The following PRKG1 variants were observed in gnomAD, a reference collection of about 807,000 sequenced individuals.
PRKG1 encodes protein kinase cGMP-dependent 1.
A neutral mutation model predicts 88.1 loss-of-function variants in PRKG1; 35 were observed. The observed-to-expected ratio is 0.40, with a 90% CI of 0.30 to 0.53. PRKG1 has a LOEUF of 0.53. Ranked by LOEUF, PRKG1 falls within the 20% of genes least tolerant of loss-of-function variation. The pLI is 0.59. For synonymous variants in PRKG1, 303 were observed against 292.5 expected (o/e 1.04, Z -0.37); for missense variants, 540 against 839.8 (o/e 0.64, Z 4.41).
At chr10:52,027,242 C>A (rs1272193102) in intron 5 of PRKG1, among the ~76,000 whole-genome samples, 1 of 152,068 alleles carries the variant, frequency 6.6e-6, no homozygotes, top group Non-Finnish European at 1.5e-5. Context: ...TGGATAGCGA[C>A]AACAGCAACC....
At chr10:51,477,044 A>G (rs1324051131) in intron 3 of PRKG1, among the ~76,000 whole-genome samples, 1 of 151,948 alleles carries the variant, frequency 6.6e-6, no homozygotes, top group Non-Finnish European at 1.5e-5. Flanking sequence ...ACACACCTGG[A>G]TTTCTAAACT....
intron 3 of PRKG1, chr10:51,698,852 T>C (rs926658890): frequency 5.0e-6 from 8 of 1,614,044 alleles, no homozygotes; most frequent in African/African-American, 1.3e-5. Context: ...AGCTGGAGGA[T>C]TCTGCTGGTT....
chr10:51,067,230 T>A (rs146995748), intron 1 of PRKG1, among the ~76,000 whole-genome samples: 6,282 of 150,038 alleles, frequency 0.042, 192 homozygotes, highest in Middle Eastern at 0.086. Context: ...TTGCTGTCGC[T>A]CCTTTAATTA....
intron 2 of PRKG1, among the ~76,000 whole-genome samples, chr10:51,333,132 A>G (rs1328290443): frequency 6.6e-6 from 1 of 152,244 alleles, no homozygotes; most frequent in Non-Finnish European, 1.5e-5. Context: ...TCTCTTAAAG[A>G]AGCTGGTATA....
intron 5 of PRKG1, among the ~76,000 whole-genome samples, chr10:51,975,907 C>G (rs564838548): frequency 6.6e-6 from 1 of 152,116 alleles, no homozygotes; most frequent in African/African-American, 2.4e-5. Context: ...ATTTGTCTTA[C>G]TATTCAATAA....
chr10:51,732,993 AC>A (rs1348657866), intron 3 of PRKG1, among the ~76,000 whole-genome samples: 1 of 152,076 alleles, frequency 6.6e-6, no homozygotes, highest in African/African-American at 2.4e-5. Context: ...GCAGACAGCC[AC>A]CCTTTGGCTG....
intron 5 of PRKG1, among the ~76,000 whole-genome samples, chr10:52,001,395 T>G (rs963423368): frequency 5.9e-5 from 9 of 151,762 alleles, no homozygotes; most frequent in African/African-American, 2.2e-4. Flanking sequence ...TGTGAGGTGA[T>G]GCATATGTTA....
chr10:51,213,533 A>G (rs1004426900), intron 2 of PRKG1, among the ~76,000 whole-genome samples: 1 of 152,258 alleles, frequency 6.6e-6, no homozygotes, highest in Non-Finnish European at 1.5e-5. Flanking sequence ...CAACTGAAGT[A>G]TCTCACATGG....
chr10:51,163,209 C>A (rs995437967), intron 2 of PRKG1, among the ~76,000 whole-genome samples: 4 of 152,166 alleles, frequency 2.6e-5, no homozygotes, highest in African/African-American at 9.7e-5. Flanking sequence ...AGAGTATTTA[C>A]TTTCTATTTG....
chr10:51,685,220 G>A (rs1416388121), intron 3 of PRKG1, among the ~76,000 whole-genome samples: 2 of 152,136 alleles, frequency 1.3e-5, no homozygotes. Context: ...GACAGTAAGG[G>A]CTTGGAAGTC....
intron 3 of PRKG1, among the ~76,000 whole-genome samples, chr10:51,565,013 G>A (rs928129416): frequency 2.6e-5 from 4 of 151,952 alleles, no homozygotes; most frequent in African/African-American, 9.7e-5. Flanking sequence ...ATCCCTGAAA[G>A]CATTACACAC....
In PRKG1 at chr10:52,203,404, A is replaced by T. The variant is rs544045071; in HGVS notation, c.1076+41441A>T. On this transcript the variant is annotated intron_variant, in intron 9 of 17. Transcript: ENST00000373980. ...GTGGTGGATATAATTTCATTTTTTT[A>T]AAATTTGTTGAGAATTATTTTATGG... Among the ~76,000 whole-genome samples the T allele has an allele frequency of 2.1e-4, 32 of 152,158 alleles. 1 individual carries two copies. The highest frequency in any genetic ancestry group is 1.7e-3 in the Admixed American group (26 of 15,286).
At chr10:51,367,767 A>G (rs1440283174) in intron 2 of PRKG1, among the ~76,000 whole-genome samples, 1 of 151,966 alleles carries the variant, frequency 6.6e-6, no homozygotes, top group Admixed American at 6.6e-5. Context: ...CAGCACAACT[A>G]CTAACACAGT....
chr10:51,082,083 A>C (rs1844126060), intron 1 of PRKG1, among the ~76,000 whole-genome samples: 1 of 152,086 alleles, frequency 6.6e-6, no homozygotes, highest in Admixed American at 6.6e-5. Context: ...TTTAGGACAA[A>C]AACAACCCTA....
intron 3 of PRKG1, among the ~76,000 whole-genome samples, chr10:51,471,992 T>C (rs764283255): frequency 5.3e-5 from 8 of 151,968 alleles, no homozygotes; most frequent in Non-Finnish European, 1.0e-4. Flanking sequence ...TTTTTTTCTT[T>C]ATTAAAATAC....
chr10:51,615,727 G>T, intron 3 of PRKG1, among the ~76,000 whole-genome samples: 1 of 147,594 alleles, frequency 6.8e-6, no homozygotes, highest in Admixed American at 6.8e-5. Context: ...GTTTTTCTCT[G>T]ATCTCTTTGT....
At chr10:52,206,547 C>A (rs12359674) in intron 9 of PRKG1, among the ~76,000 whole-genome samples, 1 of 152,032 alleles carries the variant, frequency 6.6e-6, no homozygotes, top group Non-Finnish European at 1.5e-5. Context: ...GGTGATGTTC[C>A]TTAATCTTTG....
At chr10:51,013,905 A>G (rs1395614086) in intron 1 of PRKG1, among the ~76,000 whole-genome samples, 2 of 152,194 alleles carry the variant, frequency 1.3e-5, no homozygotes, top group Non-Finnish European at 2.9e-5. Context: ...TTTGTTTTAA[A>G]TCGTCTTAAT....
chr10:51,515,618 C>T (rs541196531), intron 3 of PRKG1, among the ~76,000 whole-genome samples: 46 of 152,310 alleles, frequency 3.0e-4, no homozygotes, highest in Non-Finnish European at 5.3e-4. Flanking sequence ...TTACCTTTCT[C>T]CTCCTCTGTT....
Sources: gnomAD v4.1 joint callset for allele counts (sites outside exome capture counted in the v4.1 genomes callset) on GRCh38, gnomAD v4.1.1 for gene constraint, MANE v1.5 for transcripts, NCBI Gene and HGNC (gene_info 2026-07-23, HGNC 2026-07-21) for gene names.